The following PCDHGA7 variants were observed in gnomAD, a reference collection of about 807,000 sequenced individuals.
The protein encoded by PCDHGA7 is protocadherin gamma-A7.
In PCDHGA7, 44 loss-of-function variants were observed where a neutral mutation model predicts 58.3. The observed-to-expected ratio is 0.75, with a 90% CI of 0.59 to 0.97. PCDHGA7 has a LOEUF of 0.97. Among genes scored for constraint, PCDHGA7 ranks in the 50% least tolerant of loss-of-function variants. The pLI, the probability that PCDHGA7 is intolerant of heterozygous loss-of-function variation, is 0.00. For synonymous variants in PCDHGA7, 516 were observed against 504.2 expected (o/e 1.02, Z -0.31); for missense variants, 1,266 against 1,188.7 (o/e 1.06, Z -0.96).
chr5:141,444,545 CA>C (rs1264288836), intron 1 of PCDHGA7, among the ~76,000 whole-genome samples: 7 of 152,042 alleles, frequency 4.6e-5, no homozygotes, highest in Admixed American at 6.6e-5. Flanking sequence ...GTCTAGTGAG[CA>C]AAAGGCACTT....
chr5:141,437,715 C>T (rs2097903335), intron 1 of PCDHGA7, among the ~76,000 whole-genome samples: 1 of 151,772 alleles, frequency 6.6e-6, no homozygotes, highest in Non-Finnish European at 1.5e-5. Context: ...ACACAGTTAC[C>T]CTCTAATGTT....
At chr5:141,433,202 T>C (rs1433315739) in intron 1 of PCDHGA7, 2 of 1,578,202 alleles carry the variant, frequency 1.3e-6, no homozygotes, top group Non-Finnish European at 1.7e-6. Context: ...ATATCAAATC[T>C]TCTTTCTTTT....
chr5:141,403,006 G>T, intron 1 of PCDHGA7: 3 of 1,614,006 alleles, frequency 1.9e-6, no homozygotes, highest in African/African-American at 1.3e-5. Context: ...TGCTATGCTC[G>T]CTCCTGGGGA....
chr5:141,404,334 T>G (rs1201635505), intron 1 of PCDHGA7: 2 of 1,613,882 alleles, frequency 1.2e-6, no homozygotes, highest in Non-Finnish European at 1.7e-6. Flanking sequence ...TCAGTCTACC[T>G]CCCGGAAAAC....
chr5:141,475,950 C>A, intron 1 of PCDHGA7: 1 of 761,530 alleles, frequency 1.3e-6, no homozygotes, highest in African/African-American at 1.7e-5. Flanking sequence ...CCCCTTTCTG[C>A]GCCCCGGGAT....
intron 1 of PCDHGA7, chr5:141,385,782 T>G (rs1169105462): frequency 6.2e-6 from 1 of 160,564 alleles, no homozygotes; most frequent in Non-Finnish European, 1.3e-5. Context: ...TCCATGTACC[T>G]CAGCTTGGTG....
chr5:141,500,182 A>ATTTT lies in PCDHGA7; in HGVS notation c.2484-5209_2484-5206dup, dbSNP rs1199992745. Among the ~76,000 whole-genome samples the ATTTT allele has an allele frequency of 1.7e-3, 223 of 131,716 alleles. 2 individuals are homozygous for ATTTT. Among genetic ancestry groups the ATTTT allele is most frequent in the African/African-American group, 6.2e-3 (201 of 32,350 alleles). The allele number at this position is 131,716 out of a possible 152,430, so 86.4% of individuals were successfully genotyped here. On this transcript the variant is annotated intron_variant, in intron 2 of 3. Transcript: ENST00000518325. ...AAGAACATGCATGAGCTTCATTTTT[A>ATTTT]TTTTTATTTATTTATTTATTTATTT...
intron 1 of PCDHGA7, among the ~76,000 whole-genome samples, chr5:141,455,603 C>T (rs1433078116): frequency 3.3e-5 from 5 of 152,190 alleles, no homozygotes; most frequent in Admixed American, 2.6e-4. Context: ...CGTAGGGCGC[C>T]ATGGATGTTC....
At position 141,432,307 on chromosome 5, in the gene PCDHGA7, G is replaced by A. The variant is rs2097484688; in HGVS notation, c.2424+46984G>A. On this transcript the variant is annotated intron_variant, in intron 1 of 3. Transcript: ENST00000518325. The surrounding 1 kb of genome is among the most constrained non-coding windows in gnomAD (Gnocchi z 6.0). ...ACTCCGACACTGGGGTACTGTATGC[G>A]CTGAGCTCCTTCGACTACGAGCAGT... The A allele has an allele frequency of 5.0e-6, 8 of 1,614,240 alleles. No individual in the cohort carries two copies. Among genetic ancestry groups the A allele is most frequent in the South Asian group, 1.1e-5 (1 of 91,086 alleles).
chr5:141,463,467 G>A (rs200270457), intron 1 of PCDHGA7, among the ~76,000 whole-genome samples: 2,116 of 11,250 alleles, frequency 0.19, 39 homozygotes, highest in East Asian at 0.24. Context: ...TTTTTTTTTT[G>A]AGATGGAGTC....
intron 1 of PCDHGA7, among the ~76,000 whole-genome samples, chr5:141,402,305 A>AT (rs2150927260): frequency 6.6e-6 from 1 of 152,140 alleles, no homozygotes; most frequent in South Asian, 2.1e-4. Flanking sequence ...GTATTAATAC[A>AT]ATTATATATT....
rs1394484191 is a variant in PCDHGA7 at position 141,486,006 on chromosome 5, C to T, written c.2425-8801C>T. The T allele has an allele frequency of 6.2e-7, 1 of 1,614,190 alleles. No individual in the cohort carries two copies. Among genetic ancestry groups the T allele is most frequent in the Non-Finnish European group, 8.5e-7 (1 of 1,180,026 alleles). Reference sequence around the variant, plus strand: ...GACCTGGGTCCCAGTGGTAACGTCACCTTTTATTTCAGTGGTCATACCCCT... The same window carrying T: ...GACCTGGGTCCCAGTGGTAACGTCATCTTTTATTTCAGTGGTCATACCCCT... On this transcript the variant is annotated intron_variant, in intron 1 of 3. Coordinates refer to ENST00000518325, the MANE Select transcript of PCDHGA7 (RefSeq NM_018920.4). This position sits in a 1 kb window ranked among gnomAD's most constrained non-coding sequence, Gnocchi z 5.0.
rs1476081470 is a variant in PCDHGA7, at chr5:141,432,757, C to G, written c.2424+47434C>G. 2.5e-6 allele frequency: 4 copies of G among 1,614,150 alleles called. No homozygotes were observed. The highest frequency in any genetic ancestry group is 1.3e-5 in the African/African-American group (1 of 75,076). ...TCACGCTCACCGTGGCCGTGGCCGA[C>G]AGCATCCCCCAAGTCCTGGCGGACC... On this transcript the variant is annotated intron_variant, in intron 1 of 3. Coordinates refer to ENST00000518325, the MANE Select transcript of PCDHGA7 (RefSeq NM_018920.4). This position sits in a 1 kb window ranked among gnomAD's most constrained non-coding sequence, Gnocchi z 6.0.
At chr5:141,435,067 T>C (rs1381741674) in intron 1 of PCDHGA7, among the ~76,000 whole-genome samples, 1 of 152,168 alleles carries the variant, frequency 6.6e-6, no homozygotes, top group African/African-American at 2.4e-5. Flanking sequence ...CAGTTTTGTG[T>C]AGACCGTCTG....
At position 141,491,466 on chromosome 5, in the gene PCDHGA7, T is replaced by C; in HGVS notation, c.2425-3341T>C. The C allele has an allele frequency of 6.2e-7, 1 of 1,614,068 alleles. No homozygotes were observed. The highest frequency in any genetic ancestry group is 8.5e-7 in the Non-Finnish European group (1 of 1,179,986). ...AGGACTCACCCTCCCCGGACTTCTA[T>C]AAGCAGTCCAGCCCCAACCTGCAGG... On this transcript the variant is annotated intron_variant, in intron 1 of 3. Transcript: ENST00000518325. The surrounding 1 kb of genome is among the most constrained non-coding windows in gnomAD (Gnocchi z 6.9).
chr5:141,432,793 C>T lies in PCDHGA7; in HGVS notation c.2424+47470C>T. 6.2e-7 allele frequency: 1 copy of T among 1,614,150 alleles called. No individual in the cohort carries two copies. Among genetic ancestry groups the T allele is most frequent in the Admixed American group, 1.7e-5 (1 of 60,032 alleles). ...AAGTCCTGGCGGACCTCGGCAGCCT[C>T]GAGTCTCCAGCTAACTCTGAAACCT... On this transcript the variant is annotated intron_variant, in intron 1 of 3. Transcript: ENST00000518325. The surrounding 1 kb of genome is among the most constrained non-coding windows in gnomAD (Gnocchi z 6.0).
intron 1 of PCDHGA7, chr5:141,398,587 C>A (rs2093675414): frequency 6.2e-7 from 1 of 1,613,860 alleles, no homozygotes. Flanking sequence ...AAGATTTATA[C>A]TAGAAGTAGC....
At chr5:141,471,892 T>C (rs1429425311) in intron 1 of PCDHGA7, among the ~76,000 whole-genome samples, 1 of 152,166 alleles carries the variant, frequency 6.6e-6, no homozygotes, top group Admixed American at 6.6e-5. Context: ...GCTAGGAAGA[T>C]TGACTACAGA....
intron 3 of PCDHGA7, among the ~76,000 whole-genome samples, chr5:141,510,330 C>T (rs1420880240): frequency 6.6e-6 from 1 of 151,298 alleles, no homozygotes; most frequent in Non-Finnish European, 1.5e-5. Context: ...GCACTCTTCA[C>T]CCCCACCCCA....
Sources: gnomAD v4.1 joint callset for allele counts (sites outside exome capture counted in the v4.1 genomes callset) on GRCh38, gnomAD v4.1.1 for gene constraint, Gnocchi (gnomAD v3.1) non-coding constraint, MANE v1.5 for transcripts, NCBI Gene and HGNC (gene_info 2026-07-23, HGNC 2026-07-21) for gene names.